PSMC3: variants seen among roughly 807,000 people sequenced by gnomAD.
PSMC3 encodes 26S proteasome regulatory subunit 6A.
Under a neutral mutation model 52.0 loss-of-function variants are expected in PSMC3, and 11 were observed. That is an observed-to-expected ratio of 0.21 (90% CI 0.13 to 0.35). The LOEUF (loss-of-function observed/expected upper bound fraction) is 0.35. Among genes scored for constraint, PSMC3 ranks in the 10% least tolerant of loss-of-function variants. The pLI is 1.00. For missense variants in PSMC3, 238 were observed against 567.1 expected (o/e 0.42, Z 5.89); for synonymous variants, 201 against 218.8 (o/e 0.92, Z 0.72).
chr11:47,423,057 C>T, intron 6 of PSMC3, 84 bp from the exon 7 acceptor site: 1 of 1,362,208 alleles, frequency 7.3e-7, no homozygotes, highest in Non-Finnish European at 1.0e-6. Context: ...CCCCAATCTG[C>T]ATCCCTCCTA....
chr11:47,421,133 A>G (rs1160053741), intron 8 of PSMC3, among the ~76,000 whole-genome samples: 1 of 151,064 alleles, frequency 6.6e-6, no homozygotes, highest in Non-Finnish European at 1.5e-5. Flanking sequence ...GCCACCTGTA[A>G]TCTCAGCTAC....
Position 47,424,943 on chromosome 11 carries a change from C to T in PSMC3, c.285+178G>A, listed in dbSNP as rs965370669. Among the ~76,000 whole-genome samples the T allele has an allele frequency of 5.3e-5, 8 of 152,132 alleles. No homozygotes were observed. Among genetic ancestry groups the T allele is most frequent in the African/African-American group, 1.9e-4 (8 of 41,420 alleles). ...GACATAACCAACAGAAAAGGAGACACGTGAGACCTCCCAGGACTTTGCAGG... is the reference window on the plus strand; with the variant it reads ...GACATAACCAACAGAAAAGGAGACATGTGAGACCTCCCAGGACTTTGCAGG... On this transcript the variant is annotated intron_variant, in intron 3 of 11. Transcript: ENST00000298852. This position sits in a 1 kb window ranked among gnomAD's most constrained non-coding sequence, Gnocchi z 4.8.
chr11:47,419,783 C>T (rs1320110680), intron 10 of PSMC3, among the ~76,000 whole-genome samples: 2 of 151,820 alleles, frequency 1.3e-5, no homozygotes, highest in Admixed American at 1.3e-4. Flanking sequence ...GGCGTGAACC[C>T]AGGAGGCGGA....
At chr11:47,420,039 A>C (rs2096038498) in intron 10 of PSMC3, among the ~76,000 whole-genome samples, 1 of 152,026 alleles carries the variant, frequency 6.6e-6, no homozygotes, top group African/African-American at 2.4e-5. Flanking sequence ...TGAGGGGTGG[A>C]GTCTAAGGAG....
chr11:47,420,850 G>A (rs2096039648), intron 8 of PSMC3, 123 bp from the exon 9 acceptor site: 1 of 786,708 alleles, frequency 1.3e-6, no homozygotes, highest in South Asian at 1.6e-5. Context: ...CTCAACTTGG[G>A]GCCCCCAGCC....
intron 10 of PSMC3, among the ~76,000 whole-genome samples, chr11:47,419,609 C>T (rs2096037608): frequency 6.6e-6 from 1 of 151,874 alleles, no homozygotes; most frequent in African/African-American, 2.4e-5. Context: ...CCTATAATCC[C>T]AGCACTTTGG....
rs777734125 is a variant in PSMC3, at chr11:47,420,248, C to G, written c.1127+16G>C. On this transcript the variant is annotated intron_variant, in intron 10 of 11. Coordinates refer to ENST00000298852, the MANE Select transcript of PSMC3 (RefSeq NM_002804.5). ...GCCTGTTCAGGTCTCTGTGCCCTGC[C>G]CGTGCTCCTGCTCACCTGACATTCA... 1 of 1,613,790 alleles carries G rather than the reference C, an allele frequency of 6.2e-7. No homozygotes were observed. Among genetic ancestry groups the G allele is most frequent in the East Asian group, 2.2e-5 (1 of 44,888 alleles).
At chr11:47,423,266 G>A (rs1421062157) in intron 6 of PSMC3, among the ~76,000 whole-genome samples, 1 of 152,102 alleles carries the variant, frequency 6.6e-6, no homozygotes, top group African/African-American at 2.4e-5. Context: ...CGGGCGGGGT[G>A]GTCGGGTGCC....
intron 10 of PSMC3, among the ~76,000 whole-genome samples, chr11:47,419,776 G>C (rs1005073426): frequency 6.6e-6 from 1 of 151,830 alleles, no homozygotes; most frequent in Admixed American, 6.6e-5. Flanking sequence ...GGAGAATGGC[G>C]TGAACCCAGG....
chr11:47,421,492 C>T (rs1322022311), intron 8 of PSMC3, among the ~76,000 whole-genome samples: 9 of 151,948 alleles, frequency 5.9e-5, no homozygotes, highest in African/African-American at 2.2e-4. Context: ...GTAAGAGCCA[C>T]GGCGGGCCTG....
intron 11 of PSMC3, 61 bp from the exon 12 acceptor site, chr11:47,419,006 A>C: frequency 1.2e-6 from 2 of 1,606,286 alleles, no homozygotes; most frequent in Non-Finnish European, 1.7e-6. Context: ...TGGCTCCCTG[A>C]GGCTCAGGCC....
Position 47,425,961 on chromosome 11 carries a change from T to A in PSMC3, c.76-11A>T. ...CCCAATTCCATCTTGCTGTAAAAAA[T>A]TATTTGTTTATTTATATATTTACTT... is the stretch of plus-strand genomic sequence containing the variant. On this transcript the variant is annotated splice_polypyrimidine_tract_variant and intron_variant, in intron 1 of 11. Coordinates refer to ENST00000298852, the MANE Select transcript of PSMC3 (RefSeq NM_002804.5). The A allele has an allele frequency of 6.2e-7, 1 of 1,603,674 alleles. No homozygotes were observed.
At chr11:47,418,997 G>A (rs1307619144) in intron 11 of PSMC3, 52 bp from the exon 12 acceptor site, 1 of 1,605,972 alleles carries the variant, frequency 6.2e-7, no homozygotes, top group African/African-American at 1.3e-5. Flanking sequence ...TGCCTTCCCT[G>A]GCTCCCTGAG....
Position 47,422,461 on chromosome 11 carries a change from A to G in PSMC3, c.884+113T>C, listed in dbSNP as rs2096041740. The G allele has an allele frequency of 7.6e-7, 1 of 1,307,620 alleles. No individual in the cohort carries two copies. The highest frequency in any genetic ancestry group is 2.3e-5 in the East Asian group (1 of 42,994). 81.0% of individuals were successfully genotyped at this position (1,307,620 alleles called of 1,614,324 possible). ...CTCAAGAGTTGAGGAGCCACCATCC[A>G]GGGGCAGGAGGGGATACAGGGTGGG... On this transcript the variant is annotated intron_variant, in intron 8 of 11. Transcript: ENST00000298852. This position sits in a 1 kb window ranked among gnomAD's most constrained non-coding sequence, Gnocchi z 4.3.
intron 2 of PSMC3, 124 bp downstream of exon 2, chr11:47,425,743 G>A (rs2096045618): frequency 3.8e-6 from 3 of 783,950 alleles, no homozygotes; most frequent in African/African-American, 3.5e-5. Flanking sequence ...TTCCTGATAT[G>A]AGGGGGAAGC....
intron 10 of PSMC3, among the ~76,000 whole-genome samples, chr11:47,419,656 A>ATTTG (rs2096037740): frequency 6.6e-6 from 1 of 152,042 alleles, no homozygotes; most frequent in African/African-American, 2.4e-5. Flanking sequence ...TCAGGAAATC[A>ATTTG]AGACCATTCT....
intron 6 of PSMC3, 60 bp from the exon 7 acceptor site, chr11:47,423,033 C>G: frequency 6.7e-7 from 1 of 1,500,082 alleles, no homozygotes; most frequent in East Asian, 2.3e-5. Context: ...CAGCCCAACC[C>G]TTCATGGCTC....
Position 47,426,366 on chromosome 11 carries a change from A to T in PSMC3, c.-87T>A. 8.0e-7 allele frequency: 1 copy of T among 1,246,332 alleles called. No homozygotes were observed. The highest frequency in any genetic ancestry group is 1.1e-6 in the Non-Finnish European group (1 of 902,646). The allele number at this position is 1,246,332 out of a possible 1,614,324, so 77.2% of individuals were successfully genotyped here. Reference sequence around the variant, plus strand: ...TCTTTCTTAAAGCCTTCTCTTGACCAGTGGAAAACCTCTCCCCACAAATCC... The same window carrying T: ...TCTTTCTTAAAGCCTTCTCTTGACCTGTGGAAAACCTCTCCCCACAAATCC... On this transcript the variant is annotated 5_prime_UTR_variant, in exon 1 of 12. Coordinates refer to ENST00000298852, the MANE Select transcript of PSMC3 (RefSeq NM_002804.5).
Position 47,420,612 on chromosome 11 carries a change from T to C in PSMC3, c.981+19A>G, listed in dbSNP as rs1418178749. On this transcript the variant is annotated intron_variant, in intron 9 of 11. Coordinates refer to ENST00000298852, the MANE Select transcript of PSMC3 (RefSeq NM_002804.5). The stretch of plus-strand genomic sequence containing the variant: ...ACCTCTGAGCCTCATCATCTTTGCC[T>C]GGGAGTGCTAATACTCACCTTAACT... The C allele has an allele frequency of 1.3e-6, 2 of 1,549,076 alleles. No individual in the cohort carries two copies. Among genetic ancestry groups the C allele is most frequent in the East Asian group, 4.9e-5 (2 of 40,962 alleles).
Sources: gnomAD v4.1 joint callset for allele counts (sites outside exome capture counted in the v4.1 genomes callset) on GRCh38, gnomAD v4.1.1 for gene constraint, Gnocchi (gnomAD v3.1) non-coding constraint, MANE v1.5 for transcripts, NCBI Gene and HGNC (gene_info 2026-07-23, HGNC 2026-07-21) for gene names.